CPSF4L: variants seen among roughly 807,000 people sequenced by gnomAD.
CPSF4L encodes putative cleavage and polyadenylation specificity factor subunit 4-like protein.
In CPSF4L, 18 loss-of-function variants were observed where a neutral mutation model predicts 24.0. The ratio of observed to expected loss-of-function variants is 0.75; its 90% CI spans 0.52 to 1.11. The LOEUF (loss-of-function observed/expected upper bound fraction) is 1.11. Among genes scored for constraint, CPSF4L ranks in the 50% least tolerant of loss-of-function variants. The pLI is 0.00. For synonymous variants in CPSF4L, 72 were observed against 77.2 expected (o/e 0.93, Z 0.35); for missense variants, 211 against 221.8 (o/e 0.95, Z 0.31).
downstream of CPSF4L, chr17:73,245,611 A>G: frequency 1.0e-6 from 1 of 985,424 alleles, no homozygotes; most frequent in Non-Finnish European, 1.2e-6. Context: ...AAGTATCTGA[A>G]TTGGCAGAAA....
upstream of CPSF4L, chr17:73,262,396 G>C (rs1227549197): frequency 6.6e-6 from 1 of 152,472 alleles, no homozygotes; most frequent in African/African-American, 2.4e-5. Context: ...CTCTTCGTGG[G>C]AGACAGGGAA....
At chr17:73,261,998 T>TGCCTCACCCGGCCCACCC, upstream of CPSF4L, 1 of 596,632 alleles carries the variant, frequency 1.7e-6, no homozygotes, top group South Asian at 2.0e-5. Context: ...AGGGCCCAGC[T>TGCCTCACCCGGCCCACCC]GCCTCACCCG....
At chr17:73,255,674 T>C (rs2062022446) in intron 3 of CPSF4L, among the ~76,000 whole-genome samples, 1 of 152,160 alleles carries the variant, frequency 6.6e-6, no homozygotes, top group Non-Finnish European at 1.5e-5. Context: ...AAGGGTTCAT[T>C]TGTTCATTGT....
intron 5 of CPSF4L, among the ~76,000 whole-genome samples, chr17:73,251,365 T>C (rs952898205): frequency 1.3e-5 from 2 of 152,160 alleles, no homozygotes; most frequent in African/African-American, 4.8e-5. Flanking sequence ...CAGCAGGGAC[T>C]GTCTTCCTCC....
At chr17:73,249,482 C>CA (rs1274475997) in intron 5 of CPSF4L, among the ~76,000 whole-genome samples, 1 of 152,168 alleles carries the variant, frequency 6.6e-6, no homozygotes, top group Admixed American at 6.5e-5. Flanking sequence ...TTCAACCCCC[C>CA]AAAACCCGAC....
At chr17:73,249,290 T>C (rs2061991934) in intron 5 of CPSF4L, among the ~76,000 whole-genome samples, 1 of 152,204 alleles carries the variant, frequency 6.6e-6, no homozygotes, top group Non-Finnish European at 1.5e-5. Flanking sequence ...GGGGCTTGCT[T>C]TGTGCCGAGT....
At chr17:73,247,158 C>G, downstream of CPSF4L, 1 of 1,266,660 alleles carries the variant, frequency 7.9e-7, no homozygotes, top group East Asian at 2.3e-5. Context: ...GGCTGTTTCA[C>G]ACAACAACAG....
intron 3 of CPSF4L, among the ~76,000 whole-genome samples, chr17:73,257,396 G>A (rs998778345): frequency 6.6e-6 from 1 of 151,708 alleles, no homozygotes; most frequent in Non-Finnish European, 1.5e-5. Context: ...GTCAGGCTGG[G>A]TGTGTGATGA....
At chr17:73,244,917 C>T (rs1171441862), downstream of CPSF4L, among the ~76,000 whole-genome samples, 1 of 152,048 alleles carries the variant, frequency 6.6e-6, no homozygotes. Flanking sequence ...ATGGAGAGGC[C>T]CAAAACCAAG....
chr17:73,259,604 G>GACT (rs34193729), intron 2 of CPSF4L, among the ~76,000 whole-genome samples: 34,366 of 152,072 alleles, frequency 0.23, 4,717 homozygotes, highest in Admixed American at 0.3. Context: ...CTGCTCTAGG[G>GACT]ACTGGTTGGG....
downstream of CPSF4L, chr17:73,244,748 G>A (rs2061919392): frequency 6.4e-6 from 1 of 155,556 alleles, no homozygotes; most frequent in African/African-American, 2.4e-5. Context: ...GGATTCGTTT[G>A]ATGAAATCAG....
intron 5 of CPSF4L, chr17:73,251,085 C>A: frequency 6.5e-7 from 1 of 1,547,368 alleles, no homozygotes; most frequent in South Asian, 1.2e-5. Context: ...TGCTGAATCC[C>A]GGGGCCGGCT....
downstream of CPSF4L, among the ~76,000 whole-genome samples, chr17:73,246,728 A>G (rs957519196): frequency 6.6e-6 from 1 of 152,228 alleles, no homozygotes; most frequent in African/African-American, 2.4e-5. Context: ...TAAGGTATTC[A>G]GCAATATATC....
intron 4 of CPSF4L, among the ~76,000 whole-genome samples, chr17:73,253,328 C>G (rs530603382): frequency 1.4e-4 from 21 of 152,302 alleles, no homozygotes; most frequent in Admixed American, 6.5e-4. Flanking sequence ...CCACTGCACT[C>G]CAACCTGGGT....
At chr17:73,252,574 T>A in intron 5 of CPSF4L, 56 bp downstream of exon 5, 1 of 1,089,166 alleles carries the variant, frequency 9.2e-7, no homozygotes, top group Non-Finnish European at 1.4e-6. Flanking sequence ...GATCTAGAAC[T>A]AGAAGGCCAG....
rs755656804 is a variant in CPSF4L, at chr17:73,251,085, C to T, written c.497+1545G>A. ...AGCAGAAATAGGAGGTGCTGAATCC[C>T]GGGGCCGGCTGGCAAGCTACAGCTG... On this transcript the variant is annotated intron_variant, in intron 5 of 5. Coordinates refer to ENST00000344935, the MANE Select transcript of CPSF4L (RefSeq NM_001129885.1). 143 of 1,547,370 alleles carry T rather than the reference C, an allele frequency of 9.2e-5. No individual in the cohort carries two copies. The South Asian group carries it at 1.5e-3, about 16-fold the overall frequency.
intron 4 of CPSF4L, 141 bp from the exon 5 acceptor site, chr17:73,252,864 G>T (rs2062011054): frequency 5.0e-6 from 3 of 601,286 alleles, no homozygotes; most frequent in Admixed American, 6.2e-5. Flanking sequence ...CATCCTTTCT[G>T]TACCACCCTA....
At chr17:73,249,786 ACTC>A (rs2061996421) in intron 5 of CPSF4L, 1 of 152,980 alleles carries the variant, frequency 6.5e-6, no homozygotes, top group Non-Finnish European at 1.5e-5. Flanking sequence ...GCCCCATAAT[ACTC>A]CACACATAAG....
At chr17:73,250,940 C>T in intron 5 of CPSF4L, 1 of 1,469,190 alleles carries the variant, frequency 6.8e-7, no homozygotes. Flanking sequence ...CTCAGCCAAG[C>T]ACTAGCCCAG....
Sources: allele counts gnomAD v4.1 joint callset (sites outside exome capture counted in the v4.1 genomes callset), GRCh38; gene constraint gnomAD v4.1.1; transcripts MANE v1.5; gene names NCBI Gene and HGNC (gene_info 2026-07-23, HGNC 2026-07-21).